The following GRXCR1 variants were observed in gnomAD, a reference collection of about 807,000 sequenced individuals.
The protein encoded by GRXCR1 is glutaredoxin and cysteine rich domain containing 1, also known as glutaredoxin domain-containing cysteine-rich protein 1.
A neutral mutation model predicts 27.3 loss-of-function variants in GRXCR1; 27 were observed. The observed-to-expected ratio is 0.99, with a 90% CI of 0.73 to 1.37. The LOEUF (loss-of-function observed/expected upper bound fraction) is 1.37. Ranked by LOEUF, GRXCR1 falls within the 40% of genes most tolerant of loss-of-function variation. The pLI is 0.00. For synonymous variants in GRXCR1, 122 were observed against 131.1 expected (o/e 0.93, Z 0.47); for missense variants, 379 against 354.4 (o/e 1.07, Z -0.56).
At chr4:42,922,277 C>T (rs1747033253) in intron 1 of GRXCR1, among the ~76,000 whole-genome samples, 1 of 152,080 alleles carries the variant, frequency 6.6e-6, no homozygotes, top group Non-Finnish European at 1.5e-5. Flanking sequence ...CTGTCTGTGG[C>T]CCAAGGCCTT....
intron 2 of GRXCR1, among the ~76,000 whole-genome samples, chr4:42,979,360 A>G (rs1279507081): frequency 6.6e-6 from 1 of 152,056 alleles, no homozygotes; most frequent in African/African-American, 2.4e-5. Context: ...CATTTCTTCT[A>G]TATCTAAATT....
At chr4:43,009,838 C>A (rs995292075) in intron 2 of GRXCR1, among the ~76,000 whole-genome samples, 4 of 152,132 alleles carry the variant, frequency 2.6e-5, no homozygotes, top group Non-Finnish European at 5.9e-5. Context: ...CATTCTACAG[C>A]AATACATTTC....
intron 2 of GRXCR1, among the ~76,000 whole-genome samples, chr4:43,011,731 T>C (rs1577944657): frequency 6.6e-6 from 1 of 152,224 alleles, no homozygotes; most frequent in Non-Finnish European, 1.5e-5. Flanking sequence ...TTGTTAGTGC[T>C]GTAGTGCCTT....
At chr4:42,935,676 A>G (rs1747439057) in intron 1 of GRXCR1, among the ~76,000 whole-genome samples, 1 of 151,958 alleles carries the variant, frequency 6.6e-6, no homozygotes, top group South Asian at 2.1e-4. Context: ...ACAACGAAGG[A>G]TAAACAGGCT....
At chr4:42,922,319 TCA>T (rs1014399479) in intron 1 of GRXCR1, among the ~76,000 whole-genome samples, 14 of 152,080 alleles carry the variant, frequency 9.2e-5, no homozygotes, top group African/African-American at 2.7e-4. Context: ...TAGGTCTGTC[TCA>T]CACTAACCGT....
At chr4:42,987,721 G>T (rs1252005990) in intron 2 of GRXCR1, among the ~76,000 whole-genome samples, 1 of 152,106 alleles carries the variant, frequency 6.6e-6, no homozygotes, top group Non-Finnish European at 1.5e-5. Flanking sequence ...GTGTGGTTCA[G>T]TTCAGTTCTG....
intron 1 of GRXCR1, among the ~76,000 whole-genome samples, chr4:42,912,711 A>G (rs1157341431): frequency 6.6e-6 from 1 of 152,188 alleles, no homozygotes; most frequent in African/African-American, 2.4e-5. Context: ...TTGGGAAACT[A>G]AAGTGCTGAT....
chr4:42,902,000 G>T lies in GRXCR1; in HGVS notation c.384+8350G>T, dbSNP rs550520345. 2.0e-5 allele frequency among the ~76,000 whole-genome samples: 3 copies of T among 152,238 alleles called. No homozygotes were observed. In the East Asian group the frequency reaches 5.8e-4, roughly 29 times the overall value. The stretch of plus-strand genomic sequence containing the variant: ...ATGCTGTTTTGTGTGTTTCCTTTCT[G>T]TAGTTACGTATATGATGCTACATTC... On this transcript the variant is annotated intron_variant, in intron 1 of 3. Coordinates refer to ENST00000399770, the MANE Select transcript of GRXCR1 (RefSeq NM_001080476.3).
intron 2 of GRXCR1, among the ~76,000 whole-genome samples, chr4:42,998,854 T>G (rs2109795169): frequency 6.6e-6 from 1 of 152,334 alleles, no homozygotes; most frequent in South Asian, 2.1e-4. Flanking sequence ...AGATAAGTTT[T>G]GAGAGTTTAC....
intron 1 of GRXCR1, among the ~76,000 whole-genome samples, chr4:42,934,676 C>A (rs1449354125): frequency 6.6e-6 from 1 of 151,936 alleles, no homozygotes; most frequent in Non-Finnish European, 1.5e-5. Context: ...AATACTTTCA[C>A]TTATCTGTTA....
intron 1 of GRXCR1, among the ~76,000 whole-genome samples, chr4:42,934,109 G>T (rs1319282466): frequency 6.6e-6 from 1 of 151,948 alleles, no homozygotes; most frequent in African/African-American, 2.4e-5. Context: ...ACAACTTGTG[G>T]ACTCTTTAAG....
chr4:42,909,297 G>T (rs1160961231), intron 1 of GRXCR1, among the ~76,000 whole-genome samples: 1 of 152,100 alleles, frequency 6.6e-6, no homozygotes, highest in Non-Finnish European at 1.5e-5. Context: ...TTCGAAATGG[G>T]CCTTGGTGGC....
At chr4:42,974,077 C>A (rs984065435) in intron 2 of GRXCR1, among the ~76,000 whole-genome samples, 2 of 152,062 alleles carry the variant, frequency 1.3e-5, no homozygotes, top group Admixed American at 6.6e-5. Context: ...ACTGAGACAG[C>A]AGGGTTTGCA....
intron 2 of GRXCR1, among the ~76,000 whole-genome samples, chr4:43,003,536 T>G (rs949066161): frequency 2.0e-5 from 3 of 152,180 alleles, no homozygotes; most frequent in Non-Finnish European, 4.4e-5. Context: ...GATAGTGATA[T>G]GGACAATGAA....
chr4:42,983,422 T>C (rs1711555078), intron 2 of GRXCR1, among the ~76,000 whole-genome samples: 1 of 151,508 alleles, frequency 6.6e-6, no homozygotes, highest in South Asian at 2.1e-4. Context: ...TATATCTCTG[T>C]TTTGGTACCA....
At chr4:42,933,799 C>A (rs547552691) in intron 1 of GRXCR1, among the ~76,000 whole-genome samples, 1 of 152,026 alleles carries the variant, frequency 6.6e-6, no homozygotes, top group East Asian at 1.9e-4. Flanking sequence ...GACATCCCAG[C>A]TTTCAGAACT....
intron 2 of GRXCR1, among the ~76,000 whole-genome samples, 190 bp from the exon 3 acceptor site, chr4:43,020,164 C>T (rs1018260703): frequency 6.6e-6 from 1 of 152,068 alleles, no homozygotes; most frequent in African/African-American, 2.4e-5. Flanking sequence ...GTAAGACTTA[C>T]TAGATGGAAG....
intron 2 of GRXCR1, among the ~76,000 whole-genome samples, chr4:42,994,268 T>C (rs970913782): frequency 1.1e-4 from 16 of 152,120 alleles, no homozygotes; most frequent in Non-Finnish European, 2.1e-4. Flanking sequence ...TGAAAAGTCA[T>C]TAGTCTTTCA....
rs1242014798 is a variant in GRXCR1 at position 42,961,609 on chromosome 4, A to C, written c.385-1283A>C. On this transcript the variant is annotated intron_variant, in intron 1 of 3. Coordinates refer to ENST00000399770, the MANE Select transcript of GRXCR1 (RefSeq NM_001080476.3). The stretch of plus-strand genomic sequence containing the variant: ...GACCTGCTTCAGCATTTATGATACC[A>C]ACTTAATTCCTCCAGGCCTCTGGGT... Among the ~76,000 whole-genome samples the C allele has an allele frequency of 2.6e-5, 4 of 152,012 alleles. No homozygotes were observed. The East Asian group carries it at 7.7e-4, about 29-fold the overall frequency.
Sources: allele counts gnomAD v4.1 joint callset (sites outside exome capture counted in the v4.1 genomes callset), GRCh38; gene constraint gnomAD v4.1.1; transcripts MANE v1.5; gene names NCBI Gene and HGNC (gene_info 2026-07-23, HGNC 2026-07-21).